Variants in ADAMTS17 observed in about 807,000 individuals in gnomAD.
ADAMTS17 encodes A disintegrin and metalloproteinase with thrombospondin motifs 17.
ADAMTS17 carries 113 observed loss-of-function variants against 141.5 expected under a neutral mutation model. That is an observed-to-expected ratio of 0.80 (90% CI 0.69 to 0.93). The LOEUF (loss-of-function observed/expected upper bound fraction) is 0.93. Ranked by LOEUF, ADAMTS17 falls within the 40% of genes least tolerant of loss-of-function variation. The probability of loss-of-function intolerance (pLI) is 0.00; values close to 1 mark genes in which losing one functional copy is unlikely to be tolerated. For synonymous variants in ADAMTS17, 768 were observed against 630.6 expected, an observed-to-expected ratio of 1.22 and a Z score of -3.27; for missense variants, 1,659 against 1,517.9, an observed-to-expected ratio of 1.09 and a Z score of -1.54.
intron 5 of ADAMTS17, 111 bp from the exon 6 acceptor site, chr15:100,261,747 T>A: frequency 8.0e-7 from 1 of 1,246,886 alleles, no homozygotes; most frequent in Non-Finnish European, 1.1e-6. Flanking sequence ...TGAGACATCA[T>A]TTGATGACTC....
intron 8 of ADAMTS17, among the ~76,000 whole-genome samples, chr15:100,166,468 G>A (rs1185469557): frequency 1.3e-5 from 2 of 152,036 alleles, no homozygotes; most frequent in African/African-American, 2.4e-5. Flanking sequence ...TTCCCATATC[G>A]ACTGGAAATG....
chr15:100,193,490 G>A (rs1302969016), intron 8 of ADAMTS17, among the ~76,000 whole-genome samples: 1 of 152,176 alleles, frequency 6.6e-6, no homozygotes, highest in East Asian at 1.9e-4. Flanking sequence ...GGAAAGAGAT[G>A]GTGGCAGGAA....
At chr15:100,155,048 G>A (rs1014785623) in intron 9 of ADAMTS17, 132 bp downstream of exon 9, 124 of 1,358,168 alleles carry the variant, frequency 9.1e-5, no homozygotes, top group African/African-American at 2.3e-4. Flanking sequence ...TGCGCTGACC[G>A]CCTCCTGAGG....
At chr15:100,181,070 A>C (rs2040507105) in intron 8 of ADAMTS17, among the ~76,000 whole-genome samples, 1 of 152,202 alleles carries the variant, frequency 6.6e-6, no homozygotes, top group Admixed American at 6.5e-5. Context: ...TCACAGGCAG[A>C]GGAGCCTCTT....
intron 15 of ADAMTS17, chr15:100,063,476 C>A (rs78188660): frequency 2.0e-4 from 73 of 366,918 alleles, no homozygotes; most frequent in Non-Finnish European, 3.5e-4. Flanking sequence ...TTCCTGTTCC[C>A]GCCCCTAATC....
At chr15:100,231,262 C>G (rs1206227040) in intron 7 of ADAMTS17, among the ~76,000 whole-genome samples, 2 of 152,208 alleles carry the variant, frequency 1.3e-5, no homozygotes, top group Non-Finnish European at 2.9e-5. Context: ...AAAGGCACAA[C>G]TACTTATCAG....
intron 20 of ADAMTS17, among the ~76,000 whole-genome samples, chr15:99,985,339 TG>T (rs1204304223): frequency 6.6e-6 from 1 of 152,246 alleles, no homozygotes; most frequent in Non-Finnish European, 1.5e-5. Flanking sequence ...CAGTTTCATG[TG>T]TCCCAGAAAA....
chr15:100,049,076 T>C (rs1040816787), intron 17 of ADAMTS17, 84 bp from the exon 18 acceptor site: 3 of 1,603,354 alleles, frequency 1.9e-6, no homozygotes, highest in Non-Finnish European at 2.6e-6. Context: ...GAAAGCATGT[T>C]TGGGTGCTGC....
chr15:100,315,087 T>G (rs149581006), intron 3 of ADAMTS17, among the ~76,000 whole-genome samples: 22 of 152,256 alleles, frequency 1.4e-4, no homozygotes, highest in Non-Finnish European at 2.6e-4. Context: ...GTGGGAGACA[T>G]CAGTCCACAG....
chr15:100,255,164 AG>A lies in ADAMTS17; in HGVS notation c.1032-986del, dbSNP rs2043283124. Among the ~76,000 whole-genome samples, 5 of 152,248 alleles carry A rather than the reference AG, an allele frequency of 3.3e-5. No homozygotes were observed. The South Asian group carries it at 1.0e-3, about 32-fold the overall frequency. On this transcript the variant is annotated intron_variant, in intron 6 of 21. Coordinates refer to ENST00000268070, the MANE Select transcript of ADAMTS17 (RefSeq NM_139057.4). ...TCATCTGGCCTGCTGTGGGGAAACC[AG>A]GGGTCTAGGCTCTTCTTTTCTAATA...
At chr15:100,152,177 C>T (rs1242387440) in intron 10 of ADAMTS17, among the ~76,000 whole-genome samples, 1 of 152,150 alleles carries the variant, frequency 6.6e-6, no homozygotes, top group Non-Finnish European at 1.5e-5. Context: ...TTGATACGCT[C>T]AAATGTTTAA....
chr15:100,008,704 T>C lies in ADAMTS17; in HGVS notation c.2592-11115A>G, dbSNP rs542744734. On this transcript the variant is annotated intron_variant, in intron 18 of 21. Transcript: ENST00000268070. ...TGGGCATCTGATCTGGAAAGCGAGA[T>C]GGATCAGAGTTCTCACTTCTCATTT... Among the ~76,000 whole-genome samples the C allele has an allele frequency of 9.2e-5, 14 of 152,324 alleles. No homozygotes were observed. In the East Asian group the frequency reaches 1.7e-3, roughly 19 times the overall value.
Position 100,304,822 on chromosome 15 carries a change from C to G in ADAMTS17, c.617-23421G>C, listed in dbSNP as rs367940314. On this transcript the variant is annotated intron_variant, in intron 3 of 21. Coordinates refer to ENST00000268070, the MANE Select transcript of ADAMTS17 (RefSeq NM_139057.4). The stretch of plus-strand genomic sequence containing the variant: ...CTTATACATGGATTTTCACCTCTGC[C>G]ACCCAAGACAGCAAGACCAACCTCT... 3.3e-5 allele frequency among the ~76,000 whole-genome samples: 5 copies of G among 152,318 alleles called. No individual in the cohort carries two copies. The South Asian group carries it at 1.0e-3, about 32-fold the overall frequency.
At chr15:100,074,748 T>C (rs1596354150) in intron 15 of ADAMTS17, among the ~76,000 whole-genome samples, 1 of 152,168 alleles carries the variant, frequency 6.6e-6, no homozygotes, top group African/African-American at 2.4e-5. Flanking sequence ...GGAGTATTTC[T>C]ATGCTTCTAT....
At chr15:100,267,501 G>C (rs537138625) in intron 4 of ADAMTS17, among the ~76,000 whole-genome samples, 1 of 151,970 alleles carries the variant, frequency 6.6e-6, no homozygotes, top group Non-Finnish European at 1.5e-5. Context: ...TATTTTCGTG[G>C]TAAGTCTAAA....
At chr15:100,211,778 A>G (rs1406094383) in intron 7 of ADAMTS17, among the ~76,000 whole-genome samples, 1 of 152,250 alleles carries the variant, frequency 6.6e-6, no homozygotes, top group African/African-American at 2.4e-5. Context: ...AATGAGAAAT[A>G]AAATCACAAG....
chr15:100,213,552 T>C (rs550183729), intron 7 of ADAMTS17, among the ~76,000 whole-genome samples: 1 of 152,312 alleles, frequency 6.6e-6, no homozygotes, highest in South Asian at 2.1e-4. Flanking sequence ...AAGAGCTGTG[T>C]TATTTTCCTA....
intron 18 of ADAMTS17, among the ~76,000 whole-genome samples, chr15:100,005,736 G>T (rs1259804583): frequency 6.6e-6 from 1 of 152,166 alleles, no homozygotes; most frequent in Admixed American, 6.5e-5. Context: ...GTATTAGTTT[G>T]CTAGGATTGT....
chr15:100,317,719 G>A (rs1436396124), intron 3 of ADAMTS17, among the ~76,000 whole-genome samples: 1 of 152,208 alleles, frequency 6.6e-6, no homozygotes, highest in Non-Finnish European at 1.5e-5. Flanking sequence ...GTAAGTGCTT[G>A]CTCTGCTGAC....
Sources: allele counts gnomAD v4.1 joint callset (sites outside exome capture counted in the v4.1 genomes callset), GRCh38; gene constraint gnomAD v4.1.1; transcripts MANE v1.5; gene names NCBI Gene and HGNC (gene_info 2026-07-23, HGNC 2026-07-21).